The following PTPRM variants were observed in gnomAD, a reference collection of about 807,000 sequenced individuals.
PTPRM encodes protein tyrosine phosphatase receptor type M, also known as receptor-type tyrosine-protein phosphatase mu.
In PTPRM, 47 loss-of-function variants were observed where a neutral mutation model predicts 186.7. The observed-to-expected ratio is 0.25, with a 90% CI of 0.20 to 0.32. The LOEUF (loss-of-function observed/expected upper bound fraction) is 0.32, where lower values mean the gene tolerates loss of function less well. Among genes scored for constraint, PTPRM ranks in the 10% least tolerant of loss-of-function variants. The pLI is 1.00. For missense variants in PTPRM, 1,494 were observed against 1,865.0 expected (o/e 0.80, Z 3.66); for synonymous variants, 668 against 674.9 (o/e 0.99, Z 0.16).
chr18:8,200,376 G>T (rs2093837959), intron 14 of PTPRM, among the ~76,000 whole-genome samples: 1 of 152,160 alleles, frequency 6.6e-6, no homozygotes, highest in Non-Finnish European at 1.5e-5. Flanking sequence ...GACCCTGCTA[G>T]ATTAGCCTGA....
intron 14 of PTPRM, among the ~76,000 whole-genome samples, chr18:8,177,073 C>A (rs2093495446): frequency 6.6e-6 from 1 of 152,124 alleles, no homozygotes; most frequent in Non-Finnish European, 1.5e-5. Flanking sequence ...TCCTGCCTTT[C>A]TGAGGGGATG....
intron 2 of PTPRM, among the ~76,000 whole-genome samples, chr18:7,861,057 T>C (rs1227201630): frequency 6.6e-6 from 1 of 152,134 alleles, no homozygotes; most frequent in Admixed American, 6.6e-5. Flanking sequence ...GTCCCTCCCT[T>C]TTTACACTGT....
chr18:8,232,768 A>G (rs2094302495), intron 14 of PTPRM, among the ~76,000 whole-genome samples: 1 of 152,196 alleles, frequency 6.6e-6, no homozygotes, highest in Non-Finnish European at 1.5e-5. Flanking sequence ...GGACTGAACA[A>G]AAGAGGACGA....
At chr18:8,131,745 T>G (rs2092514502) in intron 13 of PTPRM, among the ~76,000 whole-genome samples, 1 of 152,226 alleles carries the variant, frequency 6.6e-6, no homozygotes, top group Admixed American at 6.5e-5. Flanking sequence ...TAAAGCTATT[T>G]GTAAGGGAAT....
chr18:7,955,057 T>C lies in PTPRM; in HGVS notation c.839-64T>C, dbSNP rs1187652096. ...CTTCTACATTTTAATAATTGATGCATGTTTAGCTCTTTTAAGACTGAAGAC... is the reference window on the plus strand; with the variant it reads ...CTTCTACATTTTAATAATTGATGCACGTTTAGCTCTTTTAAGACTGAAGAC... On this transcript the variant is annotated intron_variant, in intron 6 of 32. Transcript: ENST00000580170. 9.2e-6 allele frequency: 13 copies of C among 1,415,978 alleles called. No homozygotes were observed. In the East Asian group the frequency reaches 2.8e-4, roughly 30 times the overall value. The allele number at this position is 1,415,978 out of a possible 1,614,324, so 87.7% of individuals were successfully genotyped here. A position where few individuals can be genotyped will look rare whatever the true frequency, so the allele number is the denominator to read the frequency against.
At chr18:8,272,664 A>G (rs1412399706) in intron 19 of PTPRM, among the ~76,000 whole-genome samples, 1 of 152,192 alleles carries the variant, frequency 6.6e-6, no homozygotes, top group Non-Finnish European at 1.5e-5. Flanking sequence ...CATTATATAC[A>G]ATCAGAACAT....
At chr18:8,308,232 T>C (rs1213192847) in intron 20 of PTPRM, among the ~76,000 whole-genome samples, 3 of 152,184 alleles carry the variant, frequency 2.0e-5, no homozygotes, top group Non-Finnish European at 2.9e-5. Flanking sequence ...TGGCAGGCTT[T>C]TGTAGGCCAA....
intron 7 of PTPRM, among the ~76,000 whole-genome samples, chr18:8,020,736 T>C (rs1348867956): frequency 6.6e-6 from 1 of 152,148 alleles, no homozygotes; most frequent in South Asian, 2.1e-4. Context: ...CCCACAATTG[T>C]TTGACAATTT....
chr18:8,022,134 C>G (rs889532254), intron 7 of PTPRM, among the ~76,000 whole-genome samples: 1 of 152,164 alleles, frequency 6.6e-6, no homozygotes, highest in African/African-American at 2.4e-5. Context: ...CTCTCTGCCC[C>G]TCACCCCCAT....
intron 1 of PTPRM, among the ~76,000 whole-genome samples, chr18:7,572,601 G>C (rs903732986): frequency 3.3e-5 from 5 of 151,992 alleles, no homozygotes; most frequent in African/African-American, 1.2e-4. Flanking sequence ...ATATCCCAAG[G>C]CTTAGTTTTC....
At chr18:7,890,850 G>C (rs2049035630) in intron 3 of PTPRM, among the ~76,000 whole-genome samples, 1 of 152,052 alleles carries the variant, frequency 6.6e-6, no homozygotes, top group Non-Finnish European at 1.5e-5. Context: ...TGTTATGGAA[G>C]AAAATTTAAT....
chr18:8,177,715 A>C (rs2093506817), intron 14 of PTPRM, among the ~76,000 whole-genome samples: 1 of 152,214 alleles, frequency 6.6e-6, no homozygotes, highest in South Asian at 2.1e-4. Context: ...GTTTATTGAA[A>C]AGCTTTGGAG....
chr18:8,253,294 G>C lies in PTPRM; in HGVS notation c.2634G>C (p.Glu878Asp). ...LVQSHTYKKR[E>D]PADVPYQTGQ... is the part of the protein sequence containing the mutation. ...AGTCCCATACTTACAAGAAGCGAGA[G>C]CCGGCCGACGTGCCCTATCAGACTG... Residue 878 changes from glutamate to aspartate, a missense_variant, in exon 19 of 33, where the codon GAG becomes GAC. Physicochemically the swap from Glu to Asp is conservative, Grantham distance 45 (BLOSUM62 2). Coordinates refer to ENST00000580170, the MANE Select transcript of PTPRM (RefSeq NM_001105244.2). 2 of 1,597,154 alleles carry C rather than the reference G, an allele frequency of 1.3e-6. No homozygotes were observed. The highest frequency in any genetic ancestry group is 1.7e-6 in the Non-Finnish European group (2 of 1,171,952).
At chr18:7,652,414 A>G (rs1598301630) in intron 1 of PTPRM, among the ~76,000 whole-genome samples, 1 of 152,250 alleles carries the variant, frequency 6.6e-6, no homozygotes, top group African/African-American at 2.4e-5. Flanking sequence ...TATATACCCA[A>G]AGGACTATAA....
chr18:8,221,320 G>T (rs1273378775), intron 14 of PTPRM, among the ~76,000 whole-genome samples: 1 of 152,176 alleles, frequency 6.6e-6, no homozygotes. Flanking sequence ...GTTTCTCAGA[G>T]GCCAGGGCTG....
intron 1 of PTPRM, among the ~76,000 whole-genome samples, chr18:7,639,305 C>T (rs908933109): frequency 3.3e-5 from 5 of 151,646 alleles, no homozygotes; most frequent in Admixed American, 6.6e-5. Flanking sequence ...CTCCTGACCT[C>T]GTGATCCGCC....
At chr18:7,569,442 A>G (rs1388158126) in intron 1 of PTPRM, among the ~76,000 whole-genome samples, 1 of 152,242 alleles carries the variant, frequency 6.6e-6, no homozygotes, top group Non-Finnish European at 1.5e-5. Flanking sequence ...GTCTGATTAT[A>G]AAACTGATGC....
intron 23 of PTPRM, among the ~76,000 whole-genome samples, chr18:8,363,158 C>T (rs1050109433): frequency 6.6e-6 from 1 of 152,208 alleles, no homozygotes; most frequent in Non-Finnish European, 1.5e-5. Context: ...ATTGCAGCCA[C>T]AGTGTTGGTC....
intron 3 of PTPRM, among the ~76,000 whole-genome samples, chr18:7,895,481 A>T (rs996363908): frequency 1.3e-5 from 2 of 152,214 alleles, no homozygotes; most frequent in African/African-American, 4.8e-5. Context: ...CTGTCAGAAC[A>T]TTCCAGACCT....
Sources: gnomAD v4.1 joint callset for allele counts (sites outside exome capture counted in the v4.1 genomes callset) on GRCh38, gnomAD v4.1.1 for gene constraint, MANE v1.5 for transcripts, NCBI Gene and HGNC (gene_info 2026-07-23, HGNC 2026-07-21) for gene names.